SLC29A3: variants seen among roughly 807,000 people sequenced by gnomAD.
SLC29A3 encodes solute carrier family 29 member 3, also known as equilibrative nucleoside transporter 3.
A neutral mutation model predicts 25.4 loss-of-function variants in SLC29A3; 18 were observed. The ratio of observed to expected loss-of-function variants is 0.71; its 90% CI spans 0.49 to 1.05. The LOEUF is 1.05. SLC29A3 is among the 50% of genes least tolerant of loss of function. The pLI is 0.00. For missense variants in SLC29A3, 586 were observed against 609.0 expected (o/e 0.96, Z 0.40); for synonymous variants, 258 against 267.1 (o/e 0.97, Z 0.33).
At chr10:71,320,906 C>A (rs544428052) in intron 1 of SLC29A3, among the ~76,000 whole-genome samples, 12 of 152,194 alleles carry the variant, frequency 7.9e-5, no homozygotes, top group Non-Finnish European at 1.8e-4. Flanking sequence ...CCCAGCCAGT[C>A]CTCCCCGGTG....
chr10:71,338,483 A>G (rs1846311310), intron 2 of SLC29A3, among the ~76,000 whole-genome samples: 1 of 152,194 alleles, frequency 6.6e-6, no homozygotes. Flanking sequence ...CTGGCCGGGC[A>G]CCATGGCTCA....
intron 1 of SLC29A3, among the ~76,000 whole-genome samples, chr10:71,320,588 A>T (rs550745721): frequency 6.6e-6 from 1 of 152,176 alleles, no homozygotes; most frequent in Admixed American, 6.5e-5. Flanking sequence ...GAGCTTCCAG[A>T]CAGTGAGCTT....
intron 3 of SLC29A3, among the ~76,000 whole-genome samples, chr10:71,345,787 G>A (rs953596111): frequency 3.9e-5 from 6 of 152,208 alleles, no homozygotes; most frequent in Admixed American, 1.3e-4. Context: ...GCTGCGCCTC[G>A]CAGGAGAGAG....
At chr10:71,356,992 G>A (rs1346575606) in intron 5 of SLC29A3, among the ~76,000 whole-genome samples, 2 of 152,100 alleles carry the variant, frequency 1.3e-5, no homozygotes, top group African/African-American at 2.4e-5. Flanking sequence ...CTGCAGGCCA[G>A]GCTGGAGTGC....
At chr10:71,367,144 TAGAG>T (rs536466251), downstream of SLC29A3, among the ~76,000 whole-genome samples, 476 of 152,132 alleles carry the variant, frequency 3.1e-3, 7 homozygotes, top group Non-Finnish European at 1.4e-3. Context: ...GCATCTCTGT[TAGAG>T]AGATGATTTG....
chr10:71,346,472 G>A (rs936269444), intron 3 of SLC29A3, among the ~76,000 whole-genome samples: 2 of 152,204 alleles, frequency 1.3e-5, no homozygotes, highest in African/African-American at 4.8e-5. Flanking sequence ...GCCAAGTCAG[G>A]AGGATTGCTT....
chr10:71,371,358 T>C (rs1714993800), intron 3 of SLC29A3, among the ~76,000 whole-genome samples: 1 of 152,186 alleles, frequency 6.6e-6, no homozygotes, highest in African/African-American at 2.4e-5. Context: ...TCTAGACTTC[T>C]GATGTCCTTG....
At chr10:71,323,160 A>C in intron 2 of SLC29A3, 106 bp downstream of exon 2, 6 of 1,434,472 alleles carry the variant, frequency 4.2e-6, no homozygotes, top group Non-Finnish European at 4.8e-6. Context: ...CCTTTAGATC[A>C]CTTACTGTTT....
intron 2 of SLC29A3, among the ~76,000 whole-genome samples, chr10:71,336,889 G>A (rs958617836): frequency 1.3e-5 from 2 of 152,274 alleles, no homozygotes; most frequent in Non-Finnish European, 2.9e-5. Flanking sequence ...AGAGCCCCGG[G>A]GTGCTCAGAG....
chr10:71,379,486 C>T (rs979052341), intron 4 of SLC29A3, among the ~76,000 whole-genome samples: 2 of 152,198 alleles, frequency 1.3e-5, no homozygotes, highest in African/African-American at 4.8e-5. Flanking sequence ...AAAGAAGTAG[C>T]GTTGAGTAAC....
chr10:71,331,637 A>G (rs1236937800), intron 2 of SLC29A3, among the ~76,000 whole-genome samples: 3 of 152,206 alleles, frequency 2.0e-5, no homozygotes, highest in African/African-American at 7.2e-5. Flanking sequence ...AAATAGAATA[A>G]AATAAAATTC....
At chr10:71,332,056 A>G (rs546528279) in intron 2 of SLC29A3, among the ~76,000 whole-genome samples, 17 of 152,050 alleles carry the variant, frequency 1.1e-4, no homozygotes, top group Non-Finnish European at 2.5e-4. Context: ...AGTGCTACTC[A>G]GATCTCTCTC....
intron 1 of SLC29A3, among the ~76,000 whole-genome samples, chr10:71,322,154 T>C (rs10999771): frequency 0.47 from 71,796 of 151,608 alleles, 17,931 homozygotes; most frequent in African/African-American, 0.65. Context: ...CCATCCCAGT[T>C]TCCCTCCTTA....
intron 5 of SLC29A3, among the ~76,000 whole-genome samples, chr10:71,358,641 C>T (rs1399381776): frequency 1.3e-5 from 2 of 152,262 alleles, no homozygotes; most frequent in Non-Finnish European, 2.9e-5. Context: ...GGTCGCCCCA[C>T]TCCTTGTGTT....
At chr10:71,349,681 C>T (rs1374776454) in intron 3 of SLC29A3, among the ~76,000 whole-genome samples, 4 of 152,132 alleles carry the variant, frequency 2.6e-5, no homozygotes, top group Non-Finnish European at 4.4e-5. Flanking sequence ...ACCCCGCCCT[C>T]CTCCAGGACA....
intron 2 of SLC29A3, among the ~76,000 whole-genome samples, chr10:71,334,005 A>G (rs1050728838): frequency 1.3e-5 from 2 of 152,230 alleles, no homozygotes; most frequent in Admixed American, 1.3e-4. Flanking sequence ...GAGGCAGGGT[A>G]TAAAGGTAGG....
At chr10:71,358,461 C>T (rs1391296884) in intron 5 of SLC29A3, among the ~76,000 whole-genome samples, 2 of 152,218 alleles carry the variant, frequency 1.3e-5, no homozygotes, top group Admixed American at 6.5e-5. Context: ...TCCTCCCCGC[C>T]CCTTCAGGGC....
intron 2 of SLC29A3, among the ~76,000 whole-genome samples, chr10:71,342,635 C>T (rs1846440936): frequency 6.6e-6 from 1 of 152,226 alleles, no homozygotes; most frequent in African/African-American, 2.4e-5. Context: ...GACGCAGCCC[C>T]ATCTGCAGCC....
chr10:71,377,725 C>T (rs1305788584), intron 4 of SLC29A3, among the ~76,000 whole-genome samples: 2 of 152,148 alleles, frequency 1.3e-5, no homozygotes, highest in Non-Finnish European at 2.9e-5. Context: ...ATCGTCAAGG[C>T]AAATGATAAG....
Sources: allele counts gnomAD v4.1 joint callset (sites outside exome capture counted in the v4.1 genomes callset), GRCh38; gene constraint gnomAD v4.1.1; transcripts MANE v1.5; gene names NCBI Gene and HGNC (gene_info 2026-07-23, HGNC 2026-07-21).